The following PDE4D variants were observed in gnomAD, a reference collection of about 807,000 sequenced individuals.
PDE4D encodes the protein phosphodiesterase 4D, also known as 3',5'-cyclic-AMP phosphodiesterase 4D.
A neutral mutation model predicts 87.4 loss-of-function variants in PDE4D; 24 were observed. That is an observed-to-expected ratio of 0.27 (90% CI 0.20 to 0.39). PDE4D has a LOEUF of 0.39. Ranked by LOEUF, PDE4D falls within the 10% of genes least tolerant of loss-of-function variation. The pLI is 1.00. For synonymous variants in PDE4D, 384 were observed against 383.2 expected, an observed-to-expected ratio of 1.00 and a Z score of -0.02; for missense variants, 714 against 1,041.0, an observed-to-expected ratio of 0.69 and a Z score of 4.32.
chr5:60,106,837 T>A (rs1776998267), intron 2 of PDE4D, among the ~76,000 whole-genome samples: 1 of 151,408 alleles, frequency 6.6e-6, no homozygotes, highest in African/African-American at 2.4e-5. Context: ...CATACCAGAA[T>A]CTCTGGGACA....
intron 2 of PDE4D, 153 bp downstream of exon 2, chr5:59,215,624 C>T (rs891615344): frequency 8.7e-6 from 5 of 573,354 alleles, no homozygotes; most frequent in Non-Finnish European, 1.5e-5. Context: ...GTTAAATCTA[C>T]CATTCATTTC....
chr5:59,988,653 T>C (rs751246266), exon 3 of PDE4D: 4 of 1,599,292 alleles, frequency 2.5e-6, no homozygotes, highest in East Asian at 2.2e-5. Flanking sequence ...CCGGACAAGA[T>C]AGGGTTCCAT....
chr5:59,201,232 T>G (rs1222424204), intron 2 of PDE4D, among the ~76,000 whole-genome samples: 1 of 152,098 alleles, frequency 6.6e-6, no homozygotes, highest in Non-Finnish European at 1.5e-5. Context: ...AAGACAAAGG[T>G]AAATATTAAA....
intron 1 of PDE4D, among the ~76,000 whole-genome samples, chr5:60,474,026 C>A (rs1360820468): frequency 1.4e-5 from 2 of 143,996 alleles, no homozygotes; most frequent in African/African-American, 5.1e-5. Flanking sequence ...TCAGATCCAC[C>A]CAGTTGGAAT....
intron 1 of PDE4D, among the ~76,000 whole-genome samples, chr5:59,521,660 C>G (rs1374860206): frequency 6.6e-6 from 1 of 152,050 alleles, no homozygotes; most frequent in Non-Finnish European, 1.5e-5. Context: ...CCCACTTTAC[C>G]CCAAATTGCA....
At chr5:59,742,295 C>T (rs1371496811) in intron 1 of PDE4D, among the ~76,000 whole-genome samples, 6 of 152,132 alleles carry the variant, frequency 3.9e-5, no homozygotes, top group African/African-American at 1.2e-4. Flanking sequence ...AACTCCTGAC[C>T]TCAGGTGATC....
At chr5:60,095,393 T>C (rs1194223698) in intron 2 of PDE4D, among the ~76,000 whole-genome samples, 2 of 152,232 alleles carry the variant, frequency 1.3e-5, no homozygotes, top group South Asian at 2.1e-4. Context: ...TCCTTTTTTA[T>C]GGATGCATAG....
At chr5:59,882,830 T>C (rs547633716) in intron 1 of PDE4D, among the ~76,000 whole-genome samples, 2 of 151,850 alleles carry the variant, frequency 1.3e-5, no homozygotes, top group African/African-American at 2.4e-5. Flanking sequence ...CATGATGGAG[T>C]TCAGTGGCGC....
chr5:59,354,820 GC>G (rs1374257525), intron 1 of PDE4D, among the ~76,000 whole-genome samples: 3 of 152,170 alleles, frequency 2.0e-5, no homozygotes, highest in Non-Finnish European at 2.9e-5. Context: ...TATCAAATAG[GC>G]ATTACTGGCA....
intron 1 of PDE4D, among the ~76,000 whole-genome samples, chr5:60,273,998 C>T (rs560370279): frequency 6.6e-6 from 1 of 152,272 alleles, no homozygotes; most frequent in East Asian, 1.9e-4. Flanking sequence ...GCTCTCAAGA[C>T]ATTGGTCTCA....
At chr5:59,141,939 A>ATG (rs1445916586) in intron 5 of PDE4D, among the ~76,000 whole-genome samples, 2 of 152,196 alleles carry the variant, frequency 1.3e-5, no homozygotes, top group East Asian at 3.9e-4. Context: ...GACCCATGGG[A>ATG]TGTGGTTAAC....
intron 1 of PDE4D, among the ~76,000 whole-genome samples, chr5:59,822,077 G>A (rs1375225074): frequency 6.6e-6 from 1 of 152,130 alleles, no homozygotes; most frequent in Non-Finnish European, 1.5e-5. Context: ...GTGTGTGCAT[G>A]TGTTTTGGAA....
chr5:60,369,343 G>A (rs1377554795), intron 1 of PDE4D, among the ~76,000 whole-genome samples: 1 of 152,040 alleles, frequency 6.6e-6, no homozygotes, highest in Non-Finnish European at 1.5e-5. Context: ...CCAGAACAAG[G>A]GGTACCATTA....
At chr5:59,129,481 C>T (rs1775962645) in intron 5 of PDE4D, among the ~76,000 whole-genome samples, 2 of 152,308 alleles carry the variant, frequency 1.3e-5, no homozygotes, top group South Asian at 4.1e-4. Flanking sequence ...TGTATGAGCT[C>T]CCTGAGCCCA....
At chr5:59,628,307 C>T (rs770342120) in intron 1 of PDE4D, among the ~76,000 whole-genome samples, 6 of 152,104 alleles carry the variant, frequency 3.9e-5, no homozygotes, top group Non-Finnish European at 7.4e-5. Flanking sequence ...CAGGCAGCAC[C>T]GGGTCTGAAC....
chr5:59,801,831 A>G (rs1767160318), intron 1 of PDE4D, among the ~76,000 whole-genome samples: 1 of 152,262 alleles, frequency 6.6e-6, no homozygotes, highest in African/African-American at 2.4e-5. Context: ...TGGTAAAGCT[A>G]ACTTCAGACA....
intron 1 of PDE4D, among the ~76,000 whole-genome samples, chr5:59,471,979 T>C (rs928637380): frequency 1.3e-5 from 2 of 152,138 alleles, no homozygotes; most frequent in Non-Finnish European, 2.9e-5. Flanking sequence ...ATAACAATTA[T>C]GGATATGACA....
intron 1 of PDE4D, among the ~76,000 whole-genome samples, chr5:60,325,932 G>A (rs1179625428): frequency 6.6e-6 from 1 of 152,072 alleles, no homozygotes; most frequent in African/African-American, 2.4e-5. Context: ...AACCCTTGGG[G>A]ATTGGCTTTT....
chr5:59,930,400 T>C (rs1451752418), intron 3 of PDE4D, among the ~76,000 whole-genome samples: 2 of 152,124 alleles, frequency 1.3e-5, no homozygotes, highest in East Asian at 1.9e-4. Flanking sequence ...TGGAGATCTC[T>C]ACTTCCATCA....
Sources: gnomAD v4.1 joint callset for allele counts (sites outside exome capture counted in the v4.1 genomes callset) on GRCh38, gnomAD v4.1.1 for gene constraint, MANE v1.5 for transcripts, NCBI Gene and HGNC (gene_info 2026-07-23, HGNC 2026-07-21) for gene names.